The following SCFD2 variants were observed in gnomAD, a reference collection of about 807,000 sequenced individuals.
SCFD2 encodes the protein sec1 family domain-containing protein 2.
In SCFD2, 54 loss-of-function variants were observed where a neutral mutation model predicts 58.9. The observed-to-expected ratio is 0.92, with a 90% CI of 0.74 to 1.15. SCFD2 has a LOEUF of 1.15. Among genes scored for constraint, SCFD2 ranks in the 50% most tolerant of loss-of-function variants. The pLI is 0.00. For missense variants in SCFD2, 805 were observed against 836.6 expected (o/e 0.96, Z 0.47); for synonymous variants, 321 against 335.9 (o/e 0.96, Z 0.49).
intron 3 of SCFD2, among the ~76,000 whole-genome samples, chr4:53,280,569 T>C (rs1474056188): frequency 6.6e-6 from 1 of 151,674 alleles, no homozygotes; most frequent in Non-Finnish European, 1.5e-5. Flanking sequence ...ATTTAGCAAA[T>C]AAAAAATTGT....
chr4:53,041,513 T>A (rs900388790), intron 5 of SCFD2, among the ~76,000 whole-genome samples: 2 of 152,160 alleles, frequency 1.3e-5, no homozygotes, highest in African/African-American at 4.8e-5. Flanking sequence ...AGATGAGATG[T>A]CCAATGAGAG....
intron 5 of SCFD2, among the ~76,000 whole-genome samples, chr4:52,974,223 T>A (rs1353733244): frequency 2.0e-5 from 3 of 151,884 alleles, no homozygotes; most frequent in Non-Finnish European, 2.9e-5. Flanking sequence ...AAAGAGGGAG[T>A]CAAATTGTCC....
chr4:53,212,297 C>T (rs529034650), intron 4 of SCFD2, among the ~76,000 whole-genome samples: 34 of 152,022 alleles, frequency 2.2e-4, no homozygotes, highest in African/African-American at 7.5e-4. Context: ...AAAGTCAAAA[C>T]AACACCAAAT....
intron 2 of SCFD2, among the ~76,000 whole-genome samples, chr4:53,320,433 A>G (rs1014567399): frequency 6.6e-6 from 1 of 152,160 alleles, no homozygotes; most frequent in Non-Finnish European, 1.5e-5. Context: ...CCTGGTCAAT[A>G]TGGTGAAACC....
chr4:52,886,403 T>C (rs1718742642), intron 7 of SCFD2, among the ~76,000 whole-genome samples: 1 of 152,208 alleles, frequency 6.6e-6, no homozygotes, highest in Non-Finnish European at 1.5e-5. Flanking sequence ...GCTCCTCACT[T>C]TTCAATTGTC....
chr4:52,992,781 C>G (rs11735529), intron 5 of SCFD2, among the ~76,000 whole-genome samples: 55,427 of 151,662 alleles, frequency 0.37, 11,295 homozygotes, highest in Admixed American at 0.53. Context: ...TGAAGCCCCC[C>G]CTCCGCCAGG....
At chr4:53,346,277 C>CTT (rs58195090) in intron 2 of SCFD2, among the ~76,000 whole-genome samples, 71 of 135,220 alleles carry the variant, frequency 5.3e-4, no homozygotes, top group Non-Finnish European at 7.4e-4. Context: ...CTTTTTTTTT[C>CTT]TTTTTTTTTT....
At chr4:53,082,344 T>A (rs1400187832) in intron 5 of SCFD2, among the ~76,000 whole-genome samples, 1 of 152,144 alleles carries the variant, frequency 6.6e-6, no homozygotes. Flanking sequence ...CAAATCCTCA[T>A]CAGTATTTGT....
intron 4 of SCFD2, among the ~76,000 whole-genome samples, chr4:53,209,792 G>T (rs1199196439): frequency 6.6e-6 from 1 of 151,580 alleles, no homozygotes; most frequent in Non-Finnish European, 1.5e-5. Flanking sequence ...ATACAAAATT[G>T]GAAATAGTAG....
intron 4 of SCFD2, among the ~76,000 whole-genome samples, chr4:53,204,371 A>C (rs1560383806): frequency 1.3e-5 from 2 of 152,066 alleles, no homozygotes; most frequent in Non-Finnish European, 2.9e-5. Flanking sequence ...TATTGTATCC[A>C]TAAAAAATAA....
chr4:53,297,984 T>C (rs574331130), intron 3 of SCFD2, among the ~76,000 whole-genome samples: 2 of 152,208 alleles, frequency 1.3e-5, no homozygotes, highest in Admixed American at 6.5e-5. Flanking sequence ...GATGGCCGAA[T>C]AGGAACAGCT....
chr4:53,207,702 C>T (rs115950313), intron 4 of SCFD2, among the ~76,000 whole-genome samples: 1,532 of 76,184 alleles, frequency 0.02, 10 homozygotes, highest in Non-Finnish European at 0.036. Context: ...GGGCAGATTT[C>T]CCCTTTGGTA....
At chr4:53,101,198 T>C (rs980340524) in intron 5 of SCFD2, among the ~76,000 whole-genome samples, 2 of 152,154 alleles carry the variant, frequency 1.3e-5, no homozygotes, top group Non-Finnish European at 2.9e-5. Flanking sequence ...GCTTTATGGA[T>C]CTGCAACAGG....
chr4:53,346,395 C>T (rs1324844675), intron 2 of SCFD2, among the ~76,000 whole-genome samples: 1 of 151,804 alleles, frequency 6.6e-6, no homozygotes, highest in Non-Finnish European at 1.5e-5. Flanking sequence ...CTGCCTCAGC[C>T]CCCCAAGTAG....
At chr4:53,034,273 C>A (rs1310012618) in intron 5 of SCFD2, among the ~76,000 whole-genome samples, 2 of 152,096 alleles carry the variant, frequency 1.3e-5, no homozygotes, top group African/African-American at 4.8e-5. Flanking sequence ...AAATTCAACA[C>A]CCCTTCATGC....
intron 2 of SCFD2, 151 bp from the exon 3 acceptor site, chr4:53,313,914 G>A: frequency 3.3e-6 from 2 of 611,282 alleles, no homozygotes; most frequent in Non-Finnish European, 2.7e-6. Context: ...AATAAAGAAT[G>A]TCTAATTCAC....
chr4:53,365,152 C>A lies in SCFD2; in HGVS notation c.790G>T (p.Ala264Ser), dbSNP rs1255620908. 1.9e-6 allele frequency: 3 copies of A among 1,614,242 alleles called. No homozygotes were observed. Among genetic ancestry groups the A allele is most frequent in the Non-Finnish European group, 2.5e-6 (3 of 1,180,050 alleles). The change falls in exon 1 of 9, where the codon GCA becomes TCA. Residue 264 changes from alanine (A) to serine (S), a missense_variant. Around this residue, in one of 3 missense-constraint regions of SCFD2, gnomAD observed 633 missense variants for 646.8 expected, o/e 0.98. Coordinates refer to ENST00000401642, the MANE Select transcript of SCFD2 (RefSeq NM_152540.4). The surrounding 1 kb of genome is among the most constrained non-coding windows in gnomAD (Gnocchi z 4.3). ...ACAAAAACCACTGATGCCCTGCCTG[C>A]AGCAGTCTTCTTCCTGTTCTTTGCA... Reference protein sequence around the residue: ...APAKNRKKTAAGRASVVFVDR... With the variant: ...APAKNRKKTASGRASVVFVDR...
intron 5 of SCFD2, among the ~76,000 whole-genome samples, chr4:52,973,379 T>C (rs1192011975): frequency 6.6e-6 from 1 of 152,182 alleles, no homozygotes; most frequent in Admixed American, 6.5e-5. Context: ...CATCAGAGAA[T>C]ACTATAAACA....
intron 8 of SCFD2, among the ~76,000 whole-genome samples, chr4:52,882,416 C>T (rs2003198): frequency 0.2 from 30,949 of 152,078 alleles, 3,220 homozygotes; most frequent in East Asian, 0.27. Flanking sequence ...CCCTCCATGA[C>T]GGTTAATTGA....
Sources: allele counts gnomAD v4.1 joint callset (sites outside exome capture counted in the v4.1 genomes callset), GRCh38; gene constraint gnomAD v4.1.1; regional missense constraint gnomAD v4.1.1; non-coding constraint Gnocchi (gnomAD v3.1); transcripts MANE v1.5; gene names NCBI Gene and HGNC (gene_info 2026-07-23, HGNC 2026-07-21).